EXOC4: variants seen among roughly 807,000 people sequenced by gnomAD.
The protein encoded by EXOC4 is SEC8-like 1.
A neutral mutation model predicts 107.2 loss-of-function variants in EXOC4; 71 were observed. That is an observed-to-expected ratio of 0.66 (90% CI 0.55 to 0.81). EXOC4 has a LOEUF of 0.81. Ranked by LOEUF, EXOC4 falls within the 30% of genes least tolerant of loss-of-function variation. The pLI is 0.00. For synonymous variants in EXOC4, 456 were observed against 441.2 expected, an observed-to-expected ratio of 1.03 and a Z score of -0.42; for missense variants, 1,108 against 1,189.6, an observed-to-expected ratio of 0.93 and a Z score of 1.01.
chr7:133,303,345 A>G (rs1794682650), intron 3 of EXOC4, among the ~76,000 whole-genome samples: 1 of 152,206 alleles, frequency 6.6e-6, no homozygotes, highest in Non-Finnish European at 1.5e-5. Flanking sequence ...GAGGCAGGAG[A>G]ATCGCTTGAA....
At chr7:133,693,305 A>G (rs1164177850) in intron 10 of EXOC4, among the ~76,000 whole-genome samples, 1 of 152,192 alleles carries the variant, frequency 6.6e-6, no homozygotes, top group African/African-American at 2.4e-5. Flanking sequence ...GGCAGGAAGC[A>G]TCCAGCATGG....
chr7:133,909,918 G>GATTTT (rs1799651725), intron 12 of EXOC4, among the ~76,000 whole-genome samples: 6 of 130,766 alleles, frequency 4.6e-5, no homozygotes, highest in Non-Finnish European at 1.6e-5. Flanking sequence ...GGTTGAGACA[G>GATTTT]ATTTTTTTTT....
chr7:133,376,849 C>T (rs1261140232), intron 7 of EXOC4, among the ~76,000 whole-genome samples: 1 of 152,064 alleles, frequency 6.6e-6, no homozygotes, highest in Non-Finnish European at 1.5e-5. Flanking sequence ...ACAGCAAAGC[C>T]CCAAACCAAG....
chr7:133,312,104 A>G (rs1430249275), intron 4 of EXOC4, among the ~76,000 whole-genome samples: 1 of 152,184 alleles, frequency 6.6e-6, no homozygotes, highest in Non-Finnish European at 1.5e-5. Context: ...ATATGTAACA[A>G]GATATTCATT....
At chr7:133,846,130 A>G (rs1399745690) in intron 11 of EXOC4, among the ~76,000 whole-genome samples, 1 of 152,206 alleles carries the variant, frequency 6.6e-6, no homozygotes, top group African/African-American at 2.4e-5. Context: ...AAAATAAGGG[A>G]TAAAGTGAAA....
At chr7:133,944,536 T>C (rs1349894666) in intron 14 of EXOC4, among the ~76,000 whole-genome samples, 1 of 152,202 alleles carries the variant, frequency 6.6e-6, no homozygotes, top group African/African-American at 2.4e-5. Flanking sequence ...GGGATTGACT[T>C]TGTGCCTCCA....
intron 9 of EXOC4, chr7:133,602,143 AAAC>A (rs1413033958): frequency 6.6e-6 from 1 of 152,264 alleles, no homozygotes; most frequent in Non-Finnish European, 1.5e-5. Context: ...GTGATATCAT[AAAC>A]AAATTTGTAT....
chr7:133,989,675 A>G (rs1487684555), intron 14 of EXOC4, among the ~76,000 whole-genome samples: 2 of 152,224 alleles, frequency 1.3e-5, no homozygotes, highest in Non-Finnish European at 2.9e-5. Context: ...TGGCAATTAC[A>G]GTATCATTGA....
intron 9 of EXOC4, among the ~76,000 whole-genome samples, chr7:133,494,005 A>G (rs1213371516): frequency 1.3e-5 from 2 of 152,250 alleles, no homozygotes; most frequent in African/African-American, 2.4e-5. Flanking sequence ...AAGGGAAAGG[A>G]CAGCCCTTCT....
intron 7 of EXOC4, among the ~76,000 whole-genome samples, chr7:133,398,749 C>A (rs1057222919): frequency 6.6e-6 from 1 of 152,082 alleles, no homozygotes; most frequent in South Asian, 2.1e-4. Flanking sequence ...CGAAAGAGAA[C>A]TCGATTACTT....
rs1254368998 is a variant in EXOC4 at position 134,012,465 on chromosome 7, A to G, written c.2687+4630A>G. Among the ~76,000 whole-genome samples the G allele has an allele frequency of 3.3e-5, 5 of 152,210 alleles. No individual in the cohort carries two copies. The South Asian group carries it at 8.3e-4, about 25-fold the overall frequency. ...GACTACAAAGTTTTTGATCTGAACA[A>G]TTCAAAGCATGAAGTTTTTATTTAC... On this transcript the variant is annotated intron_variant, in intron 17 of 17. Coordinates refer to ENST00000253861, the MANE Select transcript of EXOC4 (RefSeq NM_021807.4).
At chr7:133,739,944 G>A (rs1246556341) in intron 10 of EXOC4, among the ~76,000 whole-genome samples, 1 of 152,124 alleles carries the variant, frequency 6.6e-6, no homozygotes, top group African/African-American at 2.4e-5. Context: ...GGGGCTGAGA[G>A]TCCTATAGCA....
At chr7:133,313,084 T>C (rs1563013845) in intron 4 of EXOC4, among the ~76,000 whole-genome samples, 1 of 151,956 alleles carries the variant, frequency 6.6e-6, no homozygotes, top group Admixed American at 6.6e-5. Flanking sequence ...CTATTTTGTC[T>C]TTTAAAGATT....
At chr7:133,990,114 A>T (rs1455238686) in intron 14 of EXOC4, among the ~76,000 whole-genome samples, 1 of 152,174 alleles carries the variant, frequency 6.6e-6, no homozygotes, top group Admixed American at 6.5e-5. Context: ...TCAAACATTT[A>T]TCTTTTCTTT....
At chr7:133,419,381 A>G (rs375015715) in intron 7 of EXOC4, among the ~76,000 whole-genome samples, 2 of 152,178 alleles carry the variant, frequency 1.3e-5, no homozygotes, top group East Asian at 1.9e-4. Context: ...AAATGCTCCA[A>G]TTCTTCAAGT....
chr7:133,542,861 A>G (rs1800407625), intron 9 of EXOC4, among the ~76,000 whole-genome samples: 1 of 152,162 alleles, frequency 6.6e-6, no homozygotes. Flanking sequence ...CTATGTATTC[A>G]GAAAAATTTT....
At chr7:133,943,224 T>G (rs552243827) in intron 14 of EXOC4, among the ~76,000 whole-genome samples, 10 of 152,254 alleles carry the variant, frequency 6.6e-5, no homozygotes, top group African/African-American at 2.4e-4. Context: ...CAGTCCATAT[T>G]CTTAGCCTTT....
chr7:133,867,381 T>G (rs1367953033), intron 11 of EXOC4, among the ~76,000 whole-genome samples: 2 of 152,202 alleles, frequency 1.3e-5, no homozygotes, highest in Admixed American at 1.3e-4. Flanking sequence ...TTCAAGTTTG[T>G]TCTCATTACC....
chr7:133,559,382 T>G (rs1221773452), intron 9 of EXOC4, among the ~76,000 whole-genome samples: 3 of 152,232 alleles, frequency 2.0e-5, no homozygotes, highest in Non-Finnish European at 4.4e-5. Flanking sequence ...TGTTTAATTT[T>G]TCTGTATTAC....
Sources: gnomAD v4.1 joint callset for allele counts (sites outside exome capture counted in the v4.1 genomes callset) on GRCh38, gnomAD v4.1.1 for gene constraint, MANE v1.5 for transcripts, NCBI Gene and HGNC (gene_info 2026-07-23, HGNC 2026-07-21) for gene names.